UQCRC1: variants seen among roughly 807,000 people sequenced by gnomAD.
UQCRC1 encodes ubiquinol-cytochrome c reductase core protein 1, also known as cytochrome b-c1 complex subunit 1, mitochondrial.
A neutral mutation model predicts 58.0 loss-of-function variants in UQCRC1; 34 were observed. The observed-to-expected ratio is 0.59, with a 90% CI of 0.45 to 0.78. The LOEUF (loss-of-function observed/expected upper bound fraction) is 0.78. Ranked by LOEUF, UQCRC1 falls within the 30% of genes least tolerant of loss-of-function variation. The pLI is 0.00. For missense variants in UQCRC1, 610 were observed against 646.0 expected (o/e 0.94, Z 0.60); for synonymous variants, 276 against 248.8 (o/e 1.11, Z -1.03).
chr3:48,602,266 T>C (rs1438954953), intron 6 of UQCRC1, among the ~76,000 whole-genome samples: 3 of 152,052 alleles, frequency 2.0e-5, no homozygotes, highest in Admixed American at 2.0e-4. Context: ...TTAGCCAGGA[T>C]GGTCTCGAGC....
At chr3:48,608,895 T>C (rs189366964) in intron 2 of UQCRC1, among the ~76,000 whole-genome samples, 16 of 152,334 alleles carry the variant, frequency 1.1e-4, no homozygotes, top group Admixed American at 5.9e-4. Context: ...TTCCCTTATA[T>C]GGGCTCCTTA....
chr3:48,604,628 C>A, intron 4 of UQCRC1, 23 bp downstream of exon 4: 1 of 1,614,002 alleles, frequency 6.2e-7, no homozygotes, highest in Non-Finnish European at 8.5e-7. Context: ...CCCTCTGTCC[C>A]CGCCTCTTCC....
chr3:48,599,569 T>A lies in UQCRC1; in HGVS notation c.1378+66A>T, dbSNP rs1575511362. 8 of 1,561,268 alleles carry A rather than the reference T, an allele frequency of 5.1e-6. No homozygotes were observed. The Admixed American group carries it at 1.3e-4, about 26-fold the overall frequency. Reference sequence around the variant, plus strand: ...CTGAGCAGCAGTGCGGGAGCAGAGGTGGAAGGGGAGGCCAAGAGAACGGCC... The same window carrying A: ...CTGAGCAGCAGTGCGGGAGCAGAGGAGGAAGGGGAGGCCAAGAGAACGGCC... On this transcript the variant is annotated intron_variant, in intron 12 of 12. Transcript: ENST00000203407.
chr3:48,603,477 GT>G, intron 6 of UQCRC1, 86 bp downstream of exon 6: 1 of 1,364,612 alleles, frequency 7.3e-7, no homozygotes, highest in Non-Finnish European at 1.0e-6. Flanking sequence ...GGGGTGAAAG[GT>G]CCCCTATGGT....
At chr3:48,607,073 G>A (rs1172121813) in intron 2 of UQCRC1, among the ~76,000 whole-genome samples, 3 of 147,388 alleles carry the variant, frequency 2.0e-5, no homozygotes, top group African/African-American at 5.0e-5. Flanking sequence ...ACGGAGTCTC[G>A]CTCTGTCACC....
intron 3 of UQCRC1, among the ~76,000 whole-genome samples, chr3:48,605,095 C>G (rs953219962): frequency 2.6e-5 from 4 of 152,188 alleles, no homozygotes; most frequent in South Asian, 2.1e-4. Flanking sequence ...TACACCTCCC[C>G]CCTCCTTATT....
chr3:48,600,484 T>C lies in UQCRC1; in HGVS notation c.1211A>G (p.Asp404Gly). The change falls in exon 10 of 13, where the codon GAT (aspartate) becomes GGT (glycine). Residue 404 changes from aspartate to glycine, a missense_variant and splice_region_variant. Asp to Gly is a moderately conservative substitution (Grantham distance 94). Transcript: ENST00000203407. Reference protein sequence around the residue: ...ILRNALVSHLDGTTPVCEDIG... With the variant: ...ILRNALVSHLGGTTPVCEDIG... ...CCCCGCTGAGCTGTAGGACTCACCA[T>C]CTAGATGAGATACCAGGGCATTTCT... 1 of 1,614,130 alleles carries C rather than the reference T, an allele frequency of 6.2e-7. No individual in the cohort carries two copies. Among genetic ancestry groups the C allele is most frequent in the South Asian group, 1.1e-5 (1 of 91,084 alleles).
intron 2 of UQCRC1, among the ~76,000 whole-genome samples, chr3:48,608,238 A>G (rs1309568497): frequency 6.6e-6 from 1 of 152,250 alleles, no homozygotes; most frequent in African/African-American, 2.4e-5. Flanking sequence ...AAGTGAGAAC[A>G]TGTGATATTT....
chr3:48,609,410 A>T (rs1575515810), intron 1 of UQCRC1, 108 bp from the exon 2 acceptor site: 1 of 1,513,178 alleles, frequency 6.6e-7, no homozygotes, highest in East Asian at 2.5e-5. Context: ...GCGGCGAGAT[A>T]CCTTTCCCCG....
intron 4 of UQCRC1, 29 bp from the exon 5 acceptor site, chr3:48,604,460 C>G (rs1379791816): frequency 6.2e-7 from 1 of 1,609,754 alleles, no homozygotes; most frequent in Admixed American, 1.7e-5. Flanking sequence ...TGTTTAGGTG[C>G]CAGGTGGACC....
At chr3:48,605,412 T>A (rs1046601966) in intron 3 of UQCRC1, among the ~76,000 whole-genome samples, 4 of 152,230 alleles carry the variant, frequency 2.6e-5, no homozygotes, top group African/African-American at 4.8e-5. Flanking sequence ...AACCAAGGGA[T>A]GCCTAGATAT....
intron 10 of UQCRC1, 69 bp downstream of exon 10, chr3:48,600,413 C>T (rs1377612278): frequency 6.3e-7 from 1 of 1,579,632 alleles, no homozygotes; most frequent in Non-Finnish European, 8.7e-7. Context: ...TAGTTAGGAG[C>T]AGTGGCCACC....
At chr3:48,605,678 G>T in intron 3 of UQCRC1, 92 bp downstream of exon 3, 1 of 1,273,618 alleles carries the variant, frequency 7.9e-7, no homozygotes. Context: ...CGCAACTGAG[G>T]CCCATAATCA....
intron 6 of UQCRC1, 38 bp from the exon 7 acceptor site, chr3:48,601,505 G>A: frequency 1.3e-6 from 2 of 1,598,930 alleles, no homozygotes; most frequent in South Asian, 1.1e-5. Flanking sequence ...ACCAGCCAGG[G>A]CCCAAGGCAC....
At chr3:48,601,504 G>T (rs1402122370) in intron 6 of UQCRC1, 37 bp from the exon 7 acceptor site, 2 of 1,599,892 alleles carry the variant, frequency 1.3e-6, no homozygotes, top group East Asian at 4.5e-5. Context: ...GACCAGCCAG[G>T]GCCCAAGGCA....
At chr3:48,606,710 C>G (rs1432548937) in intron 2 of UQCRC1, among the ~76,000 whole-genome samples, 1 of 150,596 alleles carries the variant, frequency 6.6e-6, no homozygotes, top group East Asian at 2.0e-4. Context: ...TGCCACTGCA[C>G]TCCAGCCTGG....
Position 48,603,570 on chromosome 3 carries a change from C to T in UQCRC1, c.700G>A (p.Ala234Thr). The stretch of plus-strand genomic sequence containing the variant: ...CAGTGATTCCATCACTCACCTCCAG[C>T]TGCTGCCAGCACCATTCGAGGGGCC... ...YKAPRMVLAA[A>T]GGVEHQQLLD... The change falls in exon 6 of 13, where the codon GCT becomes ACT. Residue 234 changes from alanine to threonine, a missense_variant. By Grantham distance (58) the Ala-to-Thr change is moderately conservative. Coordinates refer to ENST00000203407, the MANE Select transcript of UQCRC1 (RefSeq NM_003365.3). 6.2e-7 allele frequency: 1 copy of T among 1,613,798 alleles called. No individual in the cohort carries two copies. Among genetic ancestry groups the T allele is most frequent in the Non-Finnish European group, 8.5e-7 (1 of 1,179,970 alleles).
intron 12 of UQCRC1, 156 bp downstream of exon 12, chr3:48,599,479 A>T: frequency 1.2e-6 from 1 of 819,804 alleles, no homozygotes; most frequent in Non-Finnish European, 1.9e-6. Context: ...TTTCTGAGCA[A>T]GAACTCCCTG....
At chr3:48,603,702 C>T (rs747496002) in intron 5 of UQCRC1, 59 bp from the exon 6 acceptor site, 3 of 1,517,492 alleles carry the variant, frequency 2.0e-6, no homozygotes, top group African/African-American at 1.4e-5. Context: ...AGTTGGGGTA[C>T]ATGCATGAAT....
Sources: allele counts gnomAD v4.1 joint callset (sites outside exome capture counted in the v4.1 genomes callset), GRCh38; gene constraint gnomAD v4.1.1; transcripts MANE v1.5; gene names NCBI Gene and HGNC (gene_info 2026-07-23, HGNC 2026-07-21).